PDE1C: variants seen among roughly 807,000 people sequenced by gnomAD.
The protein encoded by PDE1C is dual specificity calcium/calmodulin-dependent 3',5'-cyclic nucleotide phosphodiesterase 1C.
PDE1C carries 62 observed loss-of-function variants against 93.1 expected under a neutral mutation model. The ratio of observed to expected loss-of-function variants is 0.67; its 90% CI spans 0.54 to 0.82. The LOEUF is 0.82. PDE1C is among the 40% of genes least tolerant of loss of function. The pLI, the probability that PDE1C is intolerant of heterozygous loss-of-function variation, is 0.00. For missense variants in PDE1C, 742 were observed against 884.6 expected, an observed-to-expected ratio of 0.84 and a Z score of 2.04; for synonymous variants, 325 against 310.1, an observed-to-expected ratio of 1.05 and a Z score of -0.50.
intron 1 of PDE1C, among the ~76,000 whole-genome samples, chr7:32,290,906 C>T (rs564392818): frequency 3.7e-4 from 56 of 151,064 alleles, no homozygotes; most frequent in Middle Eastern, 3.4e-3. Context: ...GTTTTTCAAA[C>T]AACAGTATAT....
intron 1 of PDE1C, among the ~76,000 whole-genome samples, chr7:32,254,643 A>T (rs577563617): frequency 1.2e-4 from 19 of 152,312 alleles, no homozygotes; most frequent in Non-Finnish European, 2.2e-4. Flanking sequence ...GGGGAAATCG[A>T]TGCAGAGTAA....
At chr7:31,844,223 ATATT>A (rs890632918) in intron 9 of PDE1C, among the ~76,000 whole-genome samples, 3 of 151,710 alleles carry the variant, frequency 2.0e-5, no homozygotes, top group African/African-American at 7.2e-5. Flanking sequence ...CTTCCAATAA[ATATT>A]TAGATTTATT....
the PDE1C span, among the ~76,000 whole-genome samples, chr7:31,728,351 C>G: frequency 3.3e-5 from 5 of 152,116 alleles, no homozygotes; most frequent in African/African-American, 1.2e-4. Flanking sequence ...GACAACCAGG[C>G]CCATAAGGTG....
intron 2 of PDE1C, among the ~76,000 whole-genome samples, chr7:31,983,621 AAAT>A (rs1432186245): frequency 2.6e-5 from 4 of 151,144 alleles, no homozygotes; most frequent in African/African-American, 7.3e-5. Flanking sequence ...CCTCTAAAAA[AAAT>A]AATAATTTTT....
Position 31,857,274 on chromosome 7 carries a change from T to G in PDE1C, c.751-6533A>C, listed in dbSNP as rs180686804. 1.2e-4 allele frequency among the ~76,000 whole-genome samples: 18 copies of G among 152,328 alleles called. 1 individual carries two copies. The East Asian group carries it at 2.9e-3, about 25-fold the overall frequency. The stretch of plus-strand genomic sequence containing the variant: ...TATTACTTGTAATGGGAATCACTTT[T>G]GATTGCCCAACTGCCCTTTTTTTCC... On this transcript the variant is annotated intron_variant, in intron 7 of 17. Coordinates refer to ENST00000396191, the MANE Select transcript of PDE1C (RefSeq NM_001191057.4).
intron 2 of PDE1C, among the ~76,000 whole-genome samples, chr7:31,962,439 C>T (rs1809138336): frequency 6.6e-6 from 1 of 152,196 alleles, no homozygotes; most frequent in Admixed American, 6.5e-5. Flanking sequence ...GCTTATGGCC[C>T]ACACTTTCCA....
At chr7:32,306,497 T>G (rs1456649338) in intron 1 of PDE1C, among the ~76,000 whole-genome samples, 1 of 152,170 alleles carries the variant, frequency 6.6e-6, no homozygotes, top group Non-Finnish European at 1.5e-5. Context: ...CGACCCCACC[T>G]TAGTCCAGGC....
At chr7:31,766,700 T>C (rs139346619) in intron 17 of PDE1C, among the ~76,000 whole-genome samples, 1 of 152,338 alleles carries the variant, frequency 6.6e-6, no homozygotes, top group African/African-American at 2.4e-5. Context: ...TTTGAAACAA[T>C]ATAAATTGTA....
At chr7:32,213,603 T>C (rs543348179) in intron 1 of PDE1C, among the ~76,000 whole-genome samples, 1 of 152,328 alleles carries the variant, frequency 6.6e-6, no homozygotes, top group African/African-American at 2.4e-5. Context: ...CACCCAGGCT[T>C]CTCCACTGGC....
At position 32,285,759 on chromosome 7, in the gene PDE1C, G is replaced by T. The variant is rs572384167; in HGVS notation, c.85+12892C>A. On this transcript the variant is annotated intron_variant, in intron 1 of 18. Coordinates refer to the PDE1C transcript ENST00000396193. Reference sequence around the variant, plus strand: ...TGGTACTGGGGAGAAGAGAAGAGAGGGGGGAGAGAGGAAGGGAGTGGAGGG... The same window carrying T: ...TGGTACTGGGGAGAAGAGAAGAGAGTGGGGAGAGAGGAAGGGAGTGGAGGG... 1.8e-4 allele frequency among the ~76,000 whole-genome samples: 26 copies of T among 145,740 alleles called. 1 individual carries two copies. The South Asian group carries it at 3.3e-3, about 19-fold the overall frequency.
chr7:31,878,204 GT>G (rs1426914878), intron 4 of PDE1C, among the ~76,000 whole-genome samples, 168 bp from the exon 5 acceptor site: 5 of 152,090 alleles, frequency 3.3e-5, no homozygotes, highest in African/African-American at 1.2e-4. Flanking sequence ...TGGTCTAAGT[GT>G]TAAATTCAAA....
intron 1 of PDE1C, among the ~76,000 whole-genome samples, chr7:32,248,170 G>A (rs1418317519): frequency 2.6e-5 from 4 of 152,094 alleles, no homozygotes; most frequent in Non-Finnish European, 5.9e-5. Context: ...AGGTCCCTGT[G>A]GGGCATCTAA....
intron 1 of PDE1C, among the ~76,000 whole-genome samples, chr7:32,066,113 T>C (rs1161471763): frequency 6.6e-6 from 1 of 152,208 alleles, no homozygotes; most frequent in Non-Finnish European, 1.5e-5. Context: ...AAAGCCTCCC[T>C]TTCCCACAGC....
chr7:31,737,143 T>C, the PDE1C span, among the ~76,000 whole-genome samples: 3 of 151,966 alleles, frequency 2.0e-5, no homozygotes, highest in South Asian at 6.2e-4. Context: ...TTTTTATTTT[T>C]ATTTTTATTT....
intron 8 of PDE1C, among the ~76,000 whole-genome samples, chr7:31,849,301 A>C (rs6462308): frequency 1 from 151,759 of 152,282 alleles, 75,622 homozygotes; most frequent in East Asian, 1. Flanking sequence ...TGGGCAGGTG[A>C]TATTCACCAT....
At chr7:31,689,600 C>T in the PDE1C span, among the ~76,000 whole-genome samples, 10 of 152,114 alleles carry the variant, frequency 6.6e-5, no homozygotes, top group African/African-American at 2.4e-4. Context: ...AAACAGCTCA[C>T]TCATAAAGAG....
the PDE1C span, among the ~76,000 whole-genome samples, chr7:31,690,149 C>T: frequency 6.6e-6 from 1 of 152,314 alleles, no homozygotes; most frequent in Middle Eastern, 3.4e-3. Flanking sequence ...AGGCCTGGAC[C>T]TCCCGTGGCT....
At position 31,848,059 on chromosome 7, in the gene PDE1C, G is replaced by A. The variant is rs535576194; in HGVS notation, c.889C>T (p.Leu297=). Residue 297 remains leucine (L), a synonymous_variant, in exon 9 of 18, where the codon CTG becomes TTG. Coordinates refer to ENST00000396191, the MANE Select transcript of PDE1C (RefSeq NM_001191057.4). ...GCTGCACTTAAATGGTGATTCTCCA[G>A]TACAGATCTGTCATTATACAGAATA... is the stretch of plus-strand genomic sequence containing the variant. ...PAILYNDRSV[L]ENHHLSAAYR... is the part of the protein sequence containing the mutation. The A allele has an allele frequency of 1.9e-4, 311 of 1,612,912 alleles. 4 individuals are homozygous for A. In the South Asian group the frequency reaches 3.2e-3, roughly 16 times the overall value.
intron 6 of PDE1C, among the ~76,000 whole-genome samples, chr7:31,865,794 C>T (rs1482736651): frequency 6.6e-6 from 1 of 152,162 alleles, no homozygotes; most frequent in African/African-American, 2.4e-5. Context: ...TATATAACCA[C>T]TCCTTTCAAA....
Sources: gnomAD v4.1 joint callset for allele counts (sites outside exome capture counted in the v4.1 genomes callset) on GRCh38, gnomAD v4.1.1 for gene constraint, MANE v1.5 for transcripts, NCBI Gene and HGNC (gene_info 2026-07-23, HGNC 2026-07-21) for gene names.